LGALS3: variants seen among roughly 807,000 people sequenced by gnomAD.
LGALS3 encodes the protein galectin 3.
A neutral mutation model predicts 20.7 loss-of-function variants in LGALS3; 18 were observed. That is an observed-to-expected ratio of 0.87 (90% CI 0.60 to 1.29). LGALS3 has a LOEUF of 1.29. Among genes scored for constraint, LGALS3 ranks in the 50% most tolerant of loss-of-function variants. The pLI, the probability that LGALS3 is intolerant of heterozygous loss-of-function variation, is 0.00. For missense variants in LGALS3, 315 were observed against 314.7 expected, an observed-to-expected ratio of 1.00 and a Z score of -0.01; for synonymous variants, 112 against 119.6, an observed-to-expected ratio of 0.94 and a Z score of 0.42.
At position 55,138,025 on chromosome 14, in the gene LGALS3, GTGTA is replaced by G. The variant is rs776670596; in HGVS notation, c.19-16_19-13del. The G allele has an allele frequency of 6.7e-7, 1 of 1,489,030 alleles. No homozygotes were observed. The highest frequency in any genetic ancestry group is 8.9e-7 in the Non-Finnish European group (1 of 1,119,532). 92.2% of individuals were successfully genotyped at this position (1,489,030 alleles called of 1,614,324 possible). On this transcript the variant is annotated splice_polypyrimidine_tract_variant and intron_variant, in intron 2 of 5. Transcript: ENST00000254301. ...TGAGAATGCTTTCTGTCCCGTAATTGTGTATGTCTTTCTTTCCAGCTCCATGATG... is the reference window on the plus strand; with the variant it reads ...TGAGAATGCTTTCTGTCCCGTAATTGTGTCTTTCTTTCCAGCTCCATGATG...
At chr14:55,138,993 T>C (rs1159718974) in intron 3 of LGALS3, among the ~76,000 whole-genome samples, 1 of 152,198 alleles carries the variant, frequency 6.6e-6, no homozygotes, top group Non-Finnish European at 1.5e-5. Flanking sequence ...TGATAAAACA[T>C]ATAATAAATA....
At chr14:55,133,489 G>C (rs1019521097) in intron 1 of LGALS3, among the ~76,000 whole-genome samples, 4 of 151,924 alleles carry the variant, frequency 2.6e-5, no homozygotes, top group African/African-American at 7.3e-5. Context: ...GTGTAGATAG[G>C]CTGGACATAG....
At chr14:55,143,714 T>C (rs6573006) in intron 5 of LGALS3, 74,331 of 156,312 alleles carry the variant, frequency 0.48, 18,940 homozygotes, top group African/African-American at 0.66. Flanking sequence ...TGAGCCACCA[T>C]GCCTGGCCAG....
Position 55,138,361 on chromosome 14 carries a change from G to T in LGALS3, c.335G>T (p.Gly112Val). 1 of 1,612,840 alleles carries T rather than the reference G, an allele frequency of 6.2e-7. No homozygotes were observed. Among genetic ancestry groups the T allele is most frequent in the East Asian group, 2.2e-5 (1 of 44,892 alleles). ...ACTGGCCCCTATGGCGCCCCTGCTG[G>T]GCCACTGGTGAGATGGCATTCCTTC... ...PATGPYGAPAGPLIVPYNLPL... is the reference protein window; with the variant it reads ...PATGPYGAPAVPLIVPYNLPL... The change falls in exon 3 of 6, where the codon GGG becomes GTG. Residue 112 changes from glycine to valine, a missense_variant. Physicochemically the swap from Gly to Val is moderately radical, Grantham distance 109. Transcript: ENST00000254301.
intron 4 of LGALS3, 82 bp downstream of exon 4, chr14:55,140,445 C>T: frequency 1.2e-6 from 1 of 835,284 alleles, no homozygotes; most frequent in Non-Finnish European, 1.9e-6. Flanking sequence ...TTTCTTCTTG[C>T]CCTGTCTTAC....
chr14:55,143,439 T>TC (rs1183492184), intron 5 of LGALS3: 2 of 387,574 alleles, frequency 5.2e-6, no homozygotes, highest in South Asian at 1.8e-5. Flanking sequence ...TTTTTTTTTT[T>TC]CGAGACAGAG....
At position 55,145,204 on chromosome 14, in the gene LGALS3, A is replaced by G; in HGVS notation, c.686A>G (p.Asn229Ser). 1 of 1,614,078 alleles carries G rather than the reference A, an allele frequency of 6.2e-7. No homozygotes were observed. Among genetic ancestry groups the G allele is most frequent in the African/African-American group, 1.3e-5 (1 of 75,040 alleles). ...TACAATCATCGGGTTAAAAAACTCA[A>G]TGAAATCAGCAAACTGGGAATTTCT... ...LQYNHRVKKL[N>S]EISKLGISGD... The change falls in exon 6 of 6, where the codon AAT becomes AGT. Residue 229 changes from asparagine (N) to serine (S), a missense_variant. By Grantham distance (46) the Asn-to-Ser change is conservative (BLOSUM62 1). Transcript: ENST00000254301.
At chr14:55,135,732 T>G (rs191694554) in intron 1 of LGALS3, among the ~76,000 whole-genome samples, 1 of 151,764 alleles carries the variant, frequency 6.6e-6, no homozygotes, top group Non-Finnish European at 1.5e-5. Flanking sequence ...ACCCGGCTAA[T>G]TTTTGTATTT....
At chr14:55,141,593 A>T (rs1041465063) in intron 4 of LGALS3, among the ~76,000 whole-genome samples, 11 of 152,220 alleles carry the variant, frequency 7.2e-5, no homozygotes, top group Admixed American at 3.9e-4. Context: ...TGAAATGGTT[A>T]ATGGTAGTAA....
rs374550386 is a variant in LGALS3 at position 55,145,202 on chromosome 14, C to A, written c.684C>A (p.Leu228=). The change falls in exon 6 of 6, where the codon CTC becomes CTA. Residue 228 remains leucine, a synonymous_variant. Coordinates refer to ENST00000254301, the MANE Select transcript of LGALS3 (RefSeq NM_002306.4). ...AGTACAATCATCGGGTTAAAAAACT[C>A]AATGAAATCAGCAAACTGGGAATTT... ...LLQYNHRVKK[L]NEISKLGISG... is the part of the protein sequence containing the mutation. 44 of 1,613,640 alleles carry A rather than the reference C, an allele frequency of 2.7e-5. No homozygotes were observed. In the African/African-American group the frequency reaches 5.7e-4, roughly 21 times the overall value.
chr14:55,129,350 G>T lies in LGALS3; in HGVS notation c.-5+50G>T. The T allele has an allele frequency of 6.6e-6, 1 of 151,990 alleles. No individual in the cohort carries two copies. The highest frequency in any genetic ancestry group is 1.5e-5 in the Non-Finnish European group (1 of 68,002). The allele number at this position is 151,990 out of a possible 1,614,324, so 9.4% of individuals were successfully genotyped here. On this transcript the variant is annotated intron_variant, in intron 1 of 5. Transcript: ENST00000254301. The surrounding 1 kb of genome is among the most constrained non-coding windows in gnomAD (Gnocchi z 5.3). ...CGCGGCTCCGGCCGGGCAGGGGAGAGGGCGCCCGGGCGCTGCTTGGGGCGC... is the reference window on the plus strand; with the variant it reads ...CGCGGCTCCGGCCGGGCAGGGGAGATGGCGCCCGGGCGCTGCTTGGGGCGC...
intron 5 of LGALS3, 60 bp from the exon 6 acceptor site, chr14:55,145,056 C>T: frequency 7.3e-7 from 1 of 1,371,932 alleles, no homozygotes; most frequent in Non-Finnish European, 1.0e-6. Flanking sequence ...TTGTGGAATG[C>T]CTAAATCCAG....
downstream of LGALS3, chr14:55,145,427 G>A: frequency 7.2e-7 from 1 of 1,379,600 alleles, no homozygotes; most frequent in Non-Finnish European, 9.9e-7. Context: ...GTCTCAATAT[G>A]TCATTTAATT....
At chr14:55,140,387 T>C (rs1881580412) in intron 4 of LGALS3, 24 bp downstream of exon 4, 7 of 1,476,850 alleles carry the variant, frequency 4.7e-6, no homozygotes, top group Non-Finnish European at 6.6e-6. Context: ...AATTAACAAG[T>C]CTACTCTATT....
chr14:55,135,403 A>C (rs989014073), intron 1 of LGALS3, among the ~76,000 whole-genome samples: 4 of 151,332 alleles, frequency 2.6e-5, no homozygotes, highest in Non-Finnish European at 5.9e-5. Flanking sequence ...ATTCCAAAAT[A>C]AAAAAAAATG....
chr14:55,145,332 A>G lies in LGALS3; in HGVS notation c.*61A>G. 6.2e-7 allele frequency: 1 copy of G among 1,604,268 alleles called. No individual in the cohort carries two copies. The highest frequency in any genetic ancestry group is 1.3e-5 in the African/African-American group (1 of 74,932). ...TAAACCTTACATGTGTAAAGGTTTC[A>G]TGTTCACTGTGAGTGAAAATTTTTA... On this transcript the variant is annotated 3_prime_UTR_variant, in exon 6 of 6. Coordinates refer to ENST00000254301, the MANE Select transcript of LGALS3 (RefSeq NM_002306.4).
At chr14:55,139,338 A>G (rs1469399316) in intron 3 of LGALS3, among the ~76,000 whole-genome samples, 1 of 152,222 alleles carries the variant, frequency 6.6e-6, no homozygotes, top group Non-Finnish European at 1.5e-5. Flanking sequence ...CTGGGAACTC[A>G]TGAAGGGGAA....
At chr14:55,139,998 C>A (rs1422897702) in intron 3 of LGALS3, among the ~76,000 whole-genome samples, 1 of 152,170 alleles carries the variant, frequency 6.6e-6, no homozygotes, top group Non-Finnish European at 1.5e-5. Context: ...CAAGATCTAG[C>A]TTAAGCCTTT....
intron 1 of LGALS3, among the ~76,000 whole-genome samples, chr14:55,134,077 C>CT (rs1254042411): frequency 6.6e-6 from 1 of 152,070 alleles, no homozygotes; most frequent in Non-Finnish European, 1.5e-5. Flanking sequence ...TTTTGTTTTC[C>CT]TTTTTTTGGT....
Sources: allele counts gnomAD v4.1 joint callset (sites outside exome capture counted in the v4.1 genomes callset), GRCh38; gene constraint gnomAD v4.1.1; non-coding constraint Gnocchi (gnomAD v3.1); transcripts MANE v1.5; gene names NCBI Gene and HGNC (gene_info 2026-07-23, HGNC 2026-07-21).